RBFOX1: variants seen among roughly 807,000 people sequenced by gnomAD.
RBFOX1 encodes RNA binding fox-1 homolog 1, also known as RNA binding protein fox-1 homolog 1.
In RBFOX1, 8 loss-of-function variants were observed where a neutral mutation model predicts 57.7. The ratio of observed to expected loss-of-function variants is 0.14; its 90% CI spans 0.08 to 0.25. The LOEUF (loss-of-function observed/expected upper bound fraction) is 0.25. RBFOX1 is among the 10% of genes least tolerant of loss of function. The probability of loss-of-function intolerance (pLI) is 1.00; values close to 1 mark genes in which losing one functional copy is unlikely to be tolerated. For missense variants in RBFOX1, 611 were observed against 548.5 expected, an observed-to-expected ratio of 1.11 and a Z score of -1.14; for synonymous variants, 326 against 222.4, an observed-to-expected ratio of 1.47 and a Z score of -4.15.
intron 3 of RBFOX1, among the ~76,000 whole-genome samples, chr16:6,915,305 C>T (rs140720154): frequency 3.3e-4 from 50 of 152,226 alleles, no homozygotes; most frequent in Non-Finnish European, 6.0e-4. Flanking sequence ...CTCTGTGTTG[C>T]GGACTAGGGA....
intron 4 of RBFOX1, among the ~76,000 whole-genome samples, chr16:7,359,812 G>A (rs536630176): frequency 2.6e-4 from 40 of 152,112 alleles, no homozygotes; most frequent in African/African-American, 4.6e-4. Flanking sequence ...GTGAAACCCC[G>A]TCTCTACTGA....
chr16:5,242,218 G>C (rs1365023662), intron 1 of RBFOX1, among the ~76,000 whole-genome samples: 1 of 152,168 alleles, frequency 6.6e-6, no homozygotes, highest in Non-Finnish European at 1.5e-5. Flanking sequence ...TATTGATAAT[G>C]AAATATTTAA....
intron 3 of RBFOX1, among the ~76,000 whole-genome samples, chr16:7,040,090 A>G (rs2045696347): frequency 1.3e-5 from 2 of 151,858 alleles, no homozygotes; most frequent in Admixed American, 1.3e-4. Flanking sequence ...ACATGATCTC[A>G]GCTCACTGCA....
intron 2 of RBFOX1, among the ~76,000 whole-genome samples, chr16:6,614,612 C>T (rs186196216): frequency 1.3e-5 from 2 of 152,260 alleles, no homozygotes; most frequent in East Asian, 3.9e-4. Context: ...AAAGTGTGGG[C>T]AGGCTTGGTT....
chr16:5,498,693 A>G (rs1279030655), intron 2 of RBFOX1, among the ~76,000 whole-genome samples: 2 of 152,252 alleles, frequency 1.3e-5, no homozygotes, highest in Non-Finnish European at 2.9e-5. Context: ...GGATACTCAC[A>G]CATCAACCTG....
rs201439969 is a variant in RBFOX1 at position 6,950,914 on chromosome 16, C to T, written c.-15-101143C>T. ...CTTTTCACTCTTTCTTTCTTTCTCT[C>T]TTTTTTTTTGACATAGGATCTTGCT... is the stretch of plus-strand genomic sequence containing the variant. On this transcript the variant is annotated intron_variant, in intron 3 of 15. Transcript: ENST00000550418. Among the ~76,000 whole-genome samples, 105 of 149,140 alleles carry T rather than the reference C, an allele frequency of 7.0e-4. 1 individual carries two copies. The highest frequency in any genetic ancestry group is 1.1e-3 in the Non-Finnish European group (76 of 67,080).
chr16:6,595,760 G>C (rs944131020), intron 2 of RBFOX1, among the ~76,000 whole-genome samples: 1 of 152,072 alleles, frequency 6.6e-6, no homozygotes, highest in Non-Finnish European at 1.5e-5. Context: ...TGATAGGTAT[G>C]AAGTACAGCT....
At chr16:6,875,036 G>C (rs2061583751) in intron 3 of RBFOX1, among the ~76,000 whole-genome samples, 1 of 152,160 alleles carries the variant, frequency 6.6e-6, no homozygotes, top group South Asian at 2.1e-4. Context: ...AGTTGTGAGT[G>C]GGAGCAAGTG....
chr16:5,739,175 G>C (rs145844333), intron 3 of RBFOX1, among the ~76,000 whole-genome samples: 107 of 152,298 alleles, frequency 7.0e-4, no homozygotes, highest in African/African-American at 2.5e-3. Context: ...TTTGCACATA[G>C]AAGGTCTGTG....
chr16:7,210,855 A>G (rs1024523648), intron 4 of RBFOX1, among the ~76,000 whole-genome samples: 4 of 152,128 alleles, frequency 2.6e-5, no homozygotes, highest in African/African-American at 9.7e-5. Context: ...AAGAAATAAT[A>G]ATGTATTGAA....
chr16:7,548,781 G>A (rs752217064), intron 5 of RBFOX1, among the ~76,000 whole-genome samples: 27 of 152,196 alleles, frequency 1.8e-4, no homozygotes, highest in Non-Finnish European at 3.2e-4. Flanking sequence ...CCTCTGTCTG[G>A]AGTTGTCAGC....
chr16:5,499,222 C>T (rs189504594), intron 2 of RBFOX1, among the ~76,000 whole-genome samples: 5 of 152,280 alleles, frequency 3.3e-5, no homozygotes, highest in East Asian at 1.9e-4. Flanking sequence ...CCAAGCTGTA[C>T]GTGGAAAAGA....
At chr16:6,074,683 G>A (rs546128077) in intron 1 of RBFOX1, among the ~76,000 whole-genome samples, 1 of 152,322 alleles carries the variant, frequency 6.6e-6, no homozygotes, top group Non-Finnish European at 1.5e-5. Context: ...GTCAGTGGAT[G>A]GAGACAGCAG....
chr16:7,128,477 C>T (rs1215224953), intron 4 of RBFOX1, among the ~76,000 whole-genome samples: 1 of 152,104 alleles, frequency 6.6e-6, no homozygotes, highest in South Asian at 2.1e-4. Flanking sequence ...GGGGATAGTT[C>T]GGTTCTGTAC....
At chr16:6,240,779 A>G (rs1312349686) in intron 1 of RBFOX1, among the ~76,000 whole-genome samples, 1 of 152,034 alleles carries the variant, frequency 6.6e-6, no homozygotes, top group African/African-American at 2.4e-5. Context: ...GGACTTTTCT[A>G]TTCCATTTGG....
chr16:6,866,124 C>G (rs2059870226), intron 3 of RBFOX1, among the ~76,000 whole-genome samples: 1 of 151,966 alleles, frequency 6.6e-6, no homozygotes, highest in Admixed American at 6.6e-5. Flanking sequence ...TTTTCTTTCC[C>G]CAGCTCTTTT....
At chr16:7,586,240 T>C (rs1016514365) in intron 6 of RBFOX1, among the ~76,000 whole-genome samples, 7 of 152,198 alleles carry the variant, frequency 4.6e-5, no homozygotes, top group Admixed American at 3.9e-4. Flanking sequence ...CTCGTACTTA[T>C]GCAGGTTAGG....
chr16:5,772,646 G>T (rs532114429), intron 3 of RBFOX1, among the ~76,000 whole-genome samples: 2 of 152,314 alleles, frequency 1.3e-5, no homozygotes, highest in African/African-American at 4.8e-5. Flanking sequence ...ATCTATTCTG[G>T]AAGAAACAGG....
intron 3 of RBFOX1, among the ~76,000 whole-genome samples, chr16:5,739,627 A>G (rs1959247928): frequency 6.6e-6 from 1 of 152,198 alleles, no homozygotes; most frequent in African/African-American, 2.4e-5. Flanking sequence ...GCAGACAGAG[A>G]CGGATGTTTA....
Sources: gnomAD v4.1 joint callset for allele counts (sites outside exome capture counted in the v4.1 genomes callset) on GRCh38, gnomAD v4.1.1 for gene constraint, MANE v1.5 for transcripts, NCBI Gene and HGNC (gene_info 2026-07-23, HGNC 2026-07-21) for gene names.